The following HELQ variants were observed in gnomAD, a reference collection of about 807,000 sequenced individuals.
The protein encoded by HELQ is helicase, POLQ like.
In HELQ, 77 loss-of-function variants were observed where a neutral mutation model predicts 111.6. The ratio of observed to expected loss-of-function variants is 0.69; its 90% confidence interval spans 0.57 to 0.83. The LOEUF (loss-of-function observed/expected upper bound fraction) is 0.83, where lower values mean the gene tolerates loss of function less well. Among genes scored for constraint, HELQ ranks in the 40% least tolerant of loss-of-function variants. The probability of loss-of-function intolerance (pLI) is 0.00; values close to 1 mark genes in which losing one functional copy is unlikely to be tolerated. For missense variants in HELQ, 1,200 were observed against 1,288.5 expected (o/e 0.93, Z 1.05); for synonymous variants, 438 against 454.7 (o/e 0.96, Z 0.47).
chr4:83,428,731 G>A (rs1185371448), intron 12 of HELQ, among the ~76,000 whole-genome samples: 3 of 152,044 alleles, frequency 2.0e-5, no homozygotes, highest in African/African-American at 7.2e-5. Context: ...TACTTTAGGT[G>A]AGAAGTTTGA....
At chr4:83,437,377 T>A (rs968306615) in intron 8 of HELQ, among the ~76,000 whole-genome samples, 2 of 151,238 alleles carry the variant, frequency 1.3e-5, no homozygotes, top group African/African-American at 4.9e-5. Context: ...CTTTGGGAGG[T>A]AGAGGCAGAA....
chr4:83,449,467 C>A (rs949856770), intron 2 of HELQ, among the ~76,000 whole-genome samples: 2 of 152,204 alleles, frequency 1.3e-5, no homozygotes, highest in Non-Finnish European at 2.9e-5. Flanking sequence ...GAGACCTGAA[C>A]TTCGAATGGG....
intron 1 of HELQ, among the ~76,000 whole-genome samples, 163 bp from the exon 2 acceptor site, chr4:83,454,108 C>T (rs1721578071): frequency 6.6e-6 from 1 of 152,160 alleles, no homozygotes; most frequent in African/African-American, 2.4e-5. Flanking sequence ...GAGGCTCAGG[C>T]AGGAGAATTG....
chr4:83,411,203 A>AAATAGAC (rs1389480050), intron 17 of HELQ, among the ~76,000 whole-genome samples: 4 of 151,526 alleles, frequency 2.6e-5, no homozygotes, highest in African/African-American at 9.7e-5. Flanking sequence ...TAGAGATTAT[A>AAATAGAC]AATAGACAAA....
Position 83,432,291 on chromosome 4 carries a change from A to T in HELQ, c.2049-24T>A, listed in dbSNP as rs756035701. The T allele has an allele frequency of 3.3e-6, 5 of 1,514,864 alleles. No homozygotes were observed. In the South Asian group the frequency reaches 5.4e-5, roughly 16 times the overall value. The allele number at this position is 1,514,864 out of a possible 1,614,324, so 93.8% of individuals were successfully genotyped here. On this transcript the variant is annotated intron_variant, in intron 9 of 17. Transcript: ENST00000295488. ...CTCTGTGGAATTAATGAAAAATGAT[A>T]CTCTACAGCAAACAGCACCAATTTA...
chr4:83,441,505 GT>G, intron 6 of HELQ, 102 bp from the exon 7 acceptor site: 1 of 573,606 alleles, frequency 1.7e-6, no homozygotes, highest in East Asian at 3.3e-5. Context: ...CTATAAAAGA[GT>G]TTAGCTTTTC....
chr4:83,448,865 T>C lies in HELQ; in HGVS notation c.1109A>G (p.Glu370Gly). The C allele has an allele frequency of 6.2e-7, 1 of 1,613,888 alleles. No homozygotes were observed. Among genetic ancestry groups the C allele is most frequent in the African/African-American group, 1.3e-5 (1 of 75,000 alleles). The stretch of plus-strand genomic sequence containing the variant: ...AAGCAGTTCTTGCAGCATTAAAATC[T>C]CAGCCACGAGGGTTTTTCCACCACT... ...PTSGGKTLVAEILMLQELLCC... is the reference protein window; with the variant it reads ...PTSGGKTLVAGILMLQELLCC... The change falls in exon 3 of 18, where the codon GAG (glutamate) becomes GGG (glycine). Residue 370 changes from glutamate (E) to glycine (G), a missense_variant. Around this residue, in one of 3 missense-constraint regions of HELQ, gnomAD observed 610 missense variants for 607.1 expected, o/e 1.00. Coordinates refer to ENST00000295488, the MANE Select transcript of HELQ (RefSeq NM_133636.5).
intron 8 of HELQ, 62 bp downstream of exon 8, chr4:83,439,801 T>G (rs112574308): frequency 3.6e-6 from 4 of 1,118,160 alleles, no homozygotes; most frequent in Non-Finnish European, 3.9e-6. Flanking sequence ...CCAATAAAAT[T>G]AATACATAGT....
rs746998878 is a variant in HELQ at position 83,408,243 on chromosome 4, T to TC, written c.3199-684dup. On this transcript the variant is annotated intron_variant, in intron 17 of 17. Transcript: ENST00000295488. ...CAATTTGTGGAAGAATAAATTCCGCTCCCCCCCACCCGCCTTTTTTTCTTT... is the reference window on the plus strand; with the variant it reads ...CAATTTGTGGAAGAATAAATTCCGCTCCCCCCCCACCCGCCTTTTTTTCTTT... Among the ~76,000 whole-genome samples the TC allele has an allele frequency of 2.5e-3, 385 of 151,864 alleles. 1 individual carries two copies. The highest frequency in any genetic ancestry group is 1.9e-3 in the Non-Finnish European group (126 of 67,926).
intron 9 of HELQ, among the ~76,000 whole-genome samples, chr4:83,433,618 A>G (rs1295882371): frequency 7.1e-6 from 1 of 140,302 alleles, no homozygotes; most frequent in Non-Finnish European, 1.5e-5. Context: ...GTGAGCGGAG[A>G]TTGCGCCACT....
At chr4:83,434,922 A>G (rs2132094) in intron 9 of HELQ, among the ~76,000 whole-genome samples, 11,875 of 152,174 alleles carry the variant, frequency 0.078, 1,554 homozygotes, top group African/African-American at 0.27. Flanking sequence ...AATGGGAAGA[A>G]AAAGAAATAA....
intron 3 of HELQ, among the ~76,000 whole-genome samples, chr4:83,447,792 G>A (rs1721131158): frequency 6.6e-6 from 1 of 151,086 alleles, no homozygotes; most frequent in South Asian, 2.1e-4. Context: ...AGTCTGGGAG[G>A]TGGGGGTTGC....
intron 8 of HELQ, among the ~76,000 whole-genome samples, chr4:83,437,606 A>AG (rs1720532014): frequency 1.4e-5 from 2 of 146,700 alleles, no homozygotes; most frequent in South Asian, 4.2e-4. Flanking sequence ...CCTTGTCTAA[A>AG]AAAAAAAAAA....
chr4:83,412,855 G>C (rs894977158), intron 17 of HELQ, among the ~76,000 whole-genome samples: 12 of 152,146 alleles, frequency 7.9e-5, no homozygotes, highest in Admixed American at 2.0e-4. Context: ...TCATCCCAGA[G>C]TGTCCTGCCC....
intron 6 of HELQ, among the ~76,000 whole-genome samples, chr4:83,442,472 G>A (rs1028563147): frequency 6.6e-6 from 1 of 151,402 alleles, no homozygotes; most frequent in African/African-American, 2.4e-5. Context: ...GTGCAGTGGC[G>A]CAATCTCGGC....
chr4:83,434,614 C>T (rs1416570319), intron 9 of HELQ, among the ~76,000 whole-genome samples: 2 of 151,782 alleles, frequency 1.3e-5, no homozygotes, highest in African/African-American at 4.8e-5. Flanking sequence ...AAGTGTATGC[C>T]ACCATGCCCA....
At chr4:83,411,797 G>C (rs2109960528) in intron 17 of HELQ, among the ~76,000 whole-genome samples, 1 of 151,432 alleles carries the variant, frequency 6.6e-6, no homozygotes, top group East Asian at 2.0e-4. Flanking sequence ...CACCATGCCT[G>C]GCTAATTAAA....
intron 9 of HELQ, 47 bp from the exon 10 acceptor site, chr4:83,432,314 T>C: frequency 7.2e-7 from 1 of 1,381,718 alleles, no homozygotes; most frequent in Non-Finnish European, 9.5e-7. Flanking sequence ...CAGCACCAAT[T>C]TAAAAAATTC....
intron 2 of HELQ, among the ~76,000 whole-genome samples, chr4:83,450,133 G>A (rs1721270848): frequency 7.2e-6 from 1 of 138,768 alleles, no homozygotes; most frequent in South Asian, 2.4e-4. Context: ...AAGGCCGAAT[G>A]AATTATTGTA....
Sources: allele counts gnomAD v4.1 joint callset (sites outside exome capture counted in the v4.1 genomes callset), GRCh38; gene constraint gnomAD v4.1.1; regional missense constraint gnomAD v4.1.1; transcripts MANE v1.5; gene names NCBI Gene and HGNC (gene_info 2026-07-23, HGNC 2026-07-21).